TRIM44: variants seen among roughly 807,000 people sequenced by gnomAD.
The protein encoded by TRIM44 is tripartite motif-containing protein 44.
TRIM44 carries 13 observed loss-of-function variants against 37.4 expected under a neutral mutation model. The ratio of observed to expected loss-of-function variants is 0.35; its 90% confidence interval spans 0.23 to 0.55. The LOEUF is 0.55. TRIM44 is among the 20% of genes least tolerant of loss of function. The pLI is 0.89. For missense variants in TRIM44, 426 were observed against 437.2 expected (o/e 0.97, Z 0.23); for synonymous variants, 175 against 157.2 (o/e 1.11, Z -0.85).
intron 4 of TRIM44, among the ~76,000 whole-genome samples, chr11:35,743,810 A>G (rs1166195134): frequency 1.3e-5 from 2 of 152,226 alleles, no homozygotes; most frequent in Non-Finnish European, 2.9e-5. Context: ...TCTGCCATGG[A>G]TACAGGGTTA....
chr11:35,784,976 T>C (rs1853110979), intron 4 of TRIM44, among the ~76,000 whole-genome samples: 1 of 152,212 alleles, frequency 6.6e-6, no homozygotes, highest in African/African-American at 2.4e-5. Context: ...CTCAAATCTA[T>C]CTAGAAATAG....
At chr11:35,667,956 A>C (rs1053294584) in intron 1 of TRIM44, among the ~76,000 whole-genome samples, 1 of 152,128 alleles carries the variant, frequency 6.6e-6, no homozygotes, top group East Asian at 1.9e-4. Context: ...TTTGCTATCA[A>C]AGTTTGGCTT....
At chr11:35,804,322 A>G (rs1853418873) in intron 4 of TRIM44, among the ~76,000 whole-genome samples, 1 of 152,210 alleles carries the variant, frequency 6.6e-6, no homozygotes. Flanking sequence ...GAACCTGGCA[A>G]CCAAAAAGAG....
intron 4 of TRIM44, 88 bp downstream of exon 4, chr11:35,735,533 C>A: frequency 7.7e-7 from 1 of 1,304,972 alleles, no homozygotes; most frequent in Non-Finnish European, 1.1e-6. Flanking sequence ...TATAGACAGC[C>A]AAGGAACAGC....
intron 1 of TRIM44, among the ~76,000 whole-genome samples, chr11:35,679,919 A>G (rs1366257764): frequency 6.6e-6 from 1 of 152,212 alleles, no homozygotes; most frequent in Non-Finnish European, 1.5e-5. Flanking sequence ...AGTTGCTGGC[A>G]GTGCTAGTAG....
At chr11:35,692,728 T>A (rs1031190015) in intron 2 of TRIM44, among the ~76,000 whole-genome samples, 1 of 152,032 alleles carries the variant, frequency 6.6e-6, no homozygotes, top group African/African-American at 2.4e-5. Flanking sequence ...ATCGGGACCA[T>A]CCTGGCAACA....
At chr11:35,721,736 G>C (rs2135513599) in intron 2 of TRIM44, among the ~76,000 whole-genome samples, 1 of 152,300 alleles carries the variant, frequency 6.6e-6, no homozygotes. Flanking sequence ...TGACATCACT[G>C]AGAATGTTGG....
intron 1 of TRIM44, among the ~76,000 whole-genome samples, chr11:35,678,321 A>G (rs1851483135): frequency 6.6e-6 from 1 of 152,186 alleles, no homozygotes. Flanking sequence ...AGTGAAGAAT[A>G]CATGCCAACT....
chr11:35,757,294 G>A (rs1196670078), intron 4 of TRIM44, among the ~76,000 whole-genome samples: 3 of 152,170 alleles, frequency 2.0e-5, no homozygotes, highest in Non-Finnish European at 2.9e-5. Flanking sequence ...TTGCGTAGAG[G>A]TGTTTATAGT....
intron 2 of TRIM44, among the ~76,000 whole-genome samples, chr11:35,704,549 TA>T (rs1851845980): frequency 6.6e-6 from 1 of 152,202 alleles, no homozygotes; most frequent in African/African-American, 2.4e-5. Context: ...CCCATCAGAC[TA>T]ACAGCGGATC....
At chr11:35,664,970 G>A (rs1017355337) in intron 1 of TRIM44, among the ~76,000 whole-genome samples, 11 of 152,062 alleles carry the variant, frequency 7.2e-5, no homozygotes, top group Admixed American at 5.9e-4. Flanking sequence ...GACACTATGG[G>A]TGTCATATTT....
intron 4 of TRIM44, among the ~76,000 whole-genome samples, chr11:35,753,174 A>T (rs564434817): frequency 6.6e-6 from 1 of 152,208 alleles, no homozygotes; most frequent in African/African-American, 2.4e-5. Context: ...TTTGTTATTT[A>T]CAAAATGGGG....
intron 4 of TRIM44, among the ~76,000 whole-genome samples, chr11:35,780,251 C>T (rs77856809): frequency 6.6e-6 from 1 of 152,074 alleles, no homozygotes; most frequent in Non-Finnish European, 1.5e-5. Context: ...TATAAGCCTA[C>T]CTCTGTGGGA....
intron 2 of TRIM44, among the ~76,000 whole-genome samples, chr11:35,696,871 A>G (rs1273180220): frequency 6.6e-6 from 1 of 151,952 alleles, no homozygotes; most frequent in Non-Finnish European, 1.5e-5. Flanking sequence ...CAATTAATTA[A>G]TTAATTAATT....
chr11:35,682,146 C>T (rs1453264698), intron 1 of TRIM44, among the ~76,000 whole-genome samples: 4 of 151,756 alleles, frequency 2.6e-5, no homozygotes, highest in South Asian at 2.1e-4. Context: ...TGTCCCGTTC[C>T]GTACCACTCT....
At chr11:35,727,864 C>A (rs1250854528) in intron 3 of TRIM44, among the ~76,000 whole-genome samples, 2 of 152,162 alleles carry the variant, frequency 1.3e-5, no homozygotes, top group Non-Finnish European at 2.9e-5. Flanking sequence ...TTCTAGACAG[C>A]TTTGCATACC....
chr11:35,800,888 A>T (rs1057047986), intron 4 of TRIM44, among the ~76,000 whole-genome samples: 10 of 152,218 alleles, frequency 6.6e-5, no homozygotes, highest in Non-Finnish European at 4.4e-5. Flanking sequence ...CCAGATAAGG[A>T]TACTGGGTCC....
intron 2 of TRIM44, among the ~76,000 whole-genome samples, chr11:35,723,112 T>G (rs914118248): frequency 2.6e-5 from 4 of 151,730 alleles, no homozygotes; most frequent in Non-Finnish European, 4.4e-5. Flanking sequence ...TATCTCTCCT[T>G]CTCTTTCTTT....
At chr11:35,708,326 C>T (rs1361890435) in intron 2 of TRIM44, among the ~76,000 whole-genome samples, 7 of 151,870 alleles carry the variant, frequency 4.6e-5, no homozygotes, top group African/African-American at 1.7e-4. Flanking sequence ...TAAACTAGTT[C>T]AACCATTATG....
Sources: gnomAD v4.1 joint callset for allele counts (sites outside exome capture counted in the v4.1 genomes callset) on GRCh38, gnomAD v4.1.1 for gene constraint, MANE v1.5 for transcripts, NCBI Gene and HGNC (gene_info 2026-07-23, HGNC 2026-07-21) for gene names.